The following MAP2 variants were observed in gnomAD, a reference collection of about 807,000 sequenced individuals.
The protein encoded by MAP2 is microtubule-associated protein 2.
Under a neutral mutation model 137.6 loss-of-function variants are expected in MAP2, and 14 were observed. The ratio of observed to expected loss-of-function variants is 0.10; its 90% CI spans 0.07 to 0.16. The LOEUF (loss-of-function observed/expected upper bound fraction) is 0.16. Among genes scored for constraint, MAP2 ranks in the 10% least tolerant of loss-of-function variants. The pLI is 1.00. For synonymous variants in MAP2, 786 were observed against 782.3 expected, an observed-to-expected ratio of 1.00 and a Z score of -0.08; for missense variants, 2,088 against 2,191.5, an observed-to-expected ratio of 0.95 and a Z score of 0.94.
chr2:209,504,626 G>C (rs1254530498), intron 1 of MAP2, among the ~76,000 whole-genome samples: 2 of 152,112 alleles, frequency 1.3e-5, no homozygotes, highest in Non-Finnish European at 2.9e-5. Flanking sequence ...CAAGATCCTA[G>C]GATAACAGCA....
chr2:209,551,642 G>A (rs145924084), intron 2 of MAP2, among the ~76,000 whole-genome samples: 51 of 152,178 alleles, frequency 3.4e-4, no homozygotes, highest in Middle Eastern at 6.8e-3. Context: ...TCATTTTAAA[G>A]ATTAGCAATC....
chr2:209,732,980 A>G lies in MAP2; in HGVS notation c.*2583A>G, dbSNP rs1252535924. ...CTTGTGGGGTTAAGGGGTAGAACCT[A>G]TCTTGCCTTCACTCTCAAGATAACG... is the stretch of plus-strand genomic sequence containing the variant. On this transcript the variant is annotated 3_prime_UTR_variant, in exon 16 of 16. Transcript: ENST00000682079. 1.3e-5 allele frequency: 2 copies of G among 152,632 alleles called. No individual in the cohort carries two copies. The highest frequency in any genetic ancestry group is 2.9e-5 in the Non-Finnish European group (2 of 68,040). 9.5% of individuals were successfully genotyped at this position (152,632 alleles called of 1,614,324 possible).
chr2:209,525,483 C>G (rs1173884546), intron 2 of MAP2, among the ~76,000 whole-genome samples: 1 of 152,104 alleles, frequency 6.6e-6, no homozygotes, highest in Non-Finnish European at 1.5e-5. Context: ...TCACGGAAGG[C>G]TAATCTGTTG....
intron 2 of MAP2, among the ~76,000 whole-genome samples, chr2:209,513,507 A>G (rs2062020855): frequency 6.6e-6 from 1 of 152,176 alleles, no homozygotes; most frequent in African/African-American, 2.4e-5. Flanking sequence ...TGCAAAACAG[A>G]ATATAAACAA....
At chr2:209,523,616 A>G (rs548045184) in intron 2 of MAP2, among the ~76,000 whole-genome samples, 8 of 152,282 alleles carry the variant, frequency 5.3e-5, no homozygotes, top group African/African-American at 1.7e-4. Flanking sequence ...GTCGTAATTC[A>G]GCAGTCAAAC....
Position 209,710,040 on chromosome 2 carries a change from C to G in MAP2, c.4859C>G (p.Pro1620Arg), listed in dbSNP as rs370309886. The G allele has an allele frequency of 4.3e-6, 7 of 1,613,938 alleles. No homozygotes were observed. In the African/African-American group the frequency reaches 8.0e-5, roughly 18 times the overall value. ...SSRTPGTPGTPSYPRTPHTPG... is the reference protein window; with the variant it reads ...SSRTPGTPGTRSYPRTPHTPG... ...CGCACACCAGGCACTCCTGGAACCC[C>G]TAGCTATCCCAGGACCCCTCACACA... Residue 1620 changes from proline (P) to arginine (R), a missense_variant, in exon 13 of 16, where the codon CCT becomes CGT. By Grantham distance (103) the Pro-to-Arg change is moderately radical. This residue lies in a region of MAP2 where 591 missense variants were observed against 642.6 expected (regional missense o/e 0.92). Coordinates refer to ENST00000682079, the MANE Select transcript of MAP2 (RefSeq NM_001375505.1).
At chr2:209,622,930 C>T (rs914674310) in intron 3 of MAP2, among the ~76,000 whole-genome samples, 4 of 152,006 alleles carry the variant, frequency 2.6e-5, no homozygotes, top group African/African-American at 4.8e-5. Context: ...TTTTAATAAT[C>T]GTCTCATCCT....
chr2:209,660,542 GCCA>G (rs2042991934), intron 5 of MAP2, among the ~76,000 whole-genome samples: 1 of 145,200 alleles, frequency 6.9e-6, no homozygotes, highest in Non-Finnish European at 1.5e-5. Flanking sequence ...ACAGGCGCCC[GCCA>G]CCAAGCCCGG....
intron 2 of MAP2, among the ~76,000 whole-genome samples, chr2:209,559,495 A>G (rs939648267): frequency 1.3e-5 from 2 of 149,772 alleles, no homozygotes; most frequent in African/African-American, 2.4e-5. Flanking sequence ...AAAAAAAAAA[A>G]AAAAAAAAAG....
intron 7 of MAP2, among the ~76,000 whole-genome samples, chr2:209,686,540 T>A (rs1182641607): frequency 1.3e-5 from 2 of 152,224 alleles, no homozygotes; most frequent in African/African-American, 2.4e-5. Context: ...AAATTTTAAA[T>A]TGATATCTCA....
intron 3 of MAP2, among the ~76,000 whole-genome samples, chr2:209,612,343 T>C (rs1484692638): frequency 2.6e-5 from 4 of 152,200 alleles, no homozygotes; most frequent in Non-Finnish European, 5.9e-5. Context: ...ATTTCAGTAA[T>C]GAAGTCAGGG....
chr2:209,528,870 A>G (rs895088223), intron 2 of MAP2, among the ~76,000 whole-genome samples: 3 of 147,142 alleles, frequency 2.0e-5, no homozygotes, highest in South Asian at 2.1e-4. Flanking sequence ...ATGTGTGTGT[A>G]TATGTATATA....
intron 2 of MAP2, among the ~76,000 whole-genome samples, chr2:209,552,827 C>G (rs2069515381): frequency 6.6e-6 from 1 of 151,680 alleles, no homozygotes; most frequent in African/African-American, 2.4e-5. Context: ...CGCCACTGCA[C>G]TCCAGCTTGG....
At chr2:209,439,353 A>G (rs911264338) in intron 1 of MAP2, among the ~76,000 whole-genome samples, 2 of 151,590 alleles carry the variant, frequency 1.3e-5, no homozygotes, top group African/African-American at 4.8e-5. Context: ...CCTAATATGT[A>G]TGTGTGTATA....
At chr2:209,464,091 C>A (rs1464160675) in intron 1 of MAP2, among the ~76,000 whole-genome samples, 3 of 152,188 alleles carry the variant, frequency 2.0e-5, no homozygotes, top group Admixed American at 2.0e-4. Flanking sequence ...TATTATTTTT[C>A]TTCATGAACA....
intron 13 of MAP2, among the ~76,000 whole-genome samples, chr2:209,721,035 C>T (rs1014464182): frequency 2.6e-5 from 4 of 151,792 alleles, no homozygotes; most frequent in African/African-American, 4.8e-5. Flanking sequence ...CTGAGGACTG[C>T]TGTTATTTGT....
chr2:209,470,034 G>A (rs1016539850), intron 1 of MAP2, among the ~76,000 whole-genome samples: 15 of 152,042 alleles, frequency 9.9e-5, no homozygotes, highest in Non-Finnish European at 1.9e-4. Flanking sequence ...CTACATTCTC[G>A]ACAGCCCACC....
intron 1 of MAP2, among the ~76,000 whole-genome samples, chr2:209,454,171 AAAAAAGT>A (rs1700976718): frequency 6.8e-6 from 1 of 147,630 alleles, no homozygotes; most frequent in African/African-American, 2.6e-5. Flanking sequence ...AAAAAAAAAA[AAAAAAGT>A]AGAGGACAAA....
At position 209,696,120 on chromosome 2, in the gene MAP2, C is replaced by T. The variant is rs2060116009; in HGVS notation, c.3950C>T (p.Pro1317Leu). Residue 1317 changes from proline (P) to leucine (L), a missense_variant, in exon 8 of 16, where the codon CCT becomes CTT. Physicochemically the swap from Pro to Leu is moderately conservative, Grantham distance 98. Coordinates refer to ENST00000682079, the MANE Select transcript of MAP2 (RefSeq NM_001375505.1). ...GTGCGTTTTGCAGCCCTAGAGCAGCCTGAGGTGGAAAGGAGACCATCTCCT... is the reference window on the plus strand; with the variant it reads ...GTGCGTTTTGCAGCCCTAGAGCAGCTTGAGGTGGAAAGGAGACCATCTCCT... Reference protein sequence around the residue: ...HSVRFAALEQPEVERRPSPHD... With the variant: ...HSVRFAALEQLEVERRPSPHD... 1.4e-5 allele frequency: 22 copies of T among 1,613,486 alleles called. No homozygotes were observed. Among genetic ancestry groups the T allele is most frequent in the Non-Finnish European group, 1.9e-5 (22 of 1,179,736 alleles).
Sources: allele counts gnomAD v4.1 joint callset (sites outside exome capture counted in the v4.1 genomes callset), GRCh38; gene constraint gnomAD v4.1.1; regional missense constraint gnomAD v4.1.1; transcripts MANE v1.5; gene names NCBI Gene and HGNC (gene_info 2026-07-23, HGNC 2026-07-21).